LTBP1: variants seen among roughly 807,000 people sequenced by gnomAD.
The protein encoded by LTBP1 is latent transforming growth factor beta binding protein 1.
A neutral mutation model predicts 207.6 loss-of-function variants in LTBP1; 129 were observed. That is an observed-to-expected ratio of 0.62 (90% CI 0.54 to 0.72). The LOEUF (loss-of-function observed/expected upper bound fraction) is 0.72, where lower values mean the gene tolerates loss of function less well. Among genes scored for constraint, LTBP1 ranks in the 30% least tolerant of loss-of-function variants. The probability of loss-of-function intolerance (pLI) is 0.00; values close to 1 mark genes in which losing one functional copy is unlikely to be tolerated. For synonymous variants in LTBP1, 963 were observed against 833.7 expected (o/e 1.16, Z -2.67); for missense variants, 2,281 against 2,217.2 (o/e 1.03, Z -0.58).
At chr2:33,249,333 A>G (rs1401626356) in intron 10 of LTBP1, among the ~76,000 whole-genome samples, 1 of 128,674 alleles carries the variant, frequency 7.8e-6, no homozygotes, top group Non-Finnish European at 1.7e-5. Context: ...TCACACACAC[A>G]CACACACACA....
intron 24 of LTBP1, among the ~76,000 whole-genome samples, chr2:33,338,155 A>T (rs2094574360): frequency 6.6e-6 from 1 of 152,210 alleles, no homozygotes; most frequent in Non-Finnish European, 1.5e-5. Context: ...TAGTTGCTGA[A>T]GAGCTAGTTT....
At chr2:33,291,946 C>G (rs932363166) in intron 19 of LTBP1, among the ~76,000 whole-genome samples, 2 of 152,172 alleles carry the variant, frequency 1.3e-5, no homozygotes, top group African/African-American at 4.8e-5. Context: ...TGTCACGTGT[C>G]TTTTCCTCCT....
At chr2:32,955,704 C>G (rs933113456) in intron 2 of LTBP1, among the ~76,000 whole-genome samples, 8 of 152,082 alleles carry the variant, frequency 5.3e-5, no homozygotes, top group African/African-American at 1.7e-4. Flanking sequence ...TTTTTAAAAG[C>G]TCCCTGATGT....
At chr2:33,388,933 C>T (rs2095291140) in intron 31 of LTBP1, among the ~76,000 whole-genome samples, 1 of 152,176 alleles carries the variant, frequency 6.6e-6, no homozygotes, top group Non-Finnish European at 1.5e-5. Context: ...ATGTGGTCTA[C>T]CCACTGTTAA....
intron 19 of LTBP1, among the ~76,000 whole-genome samples, chr2:33,284,084 C>T (rs1180630422): frequency 6.6e-6 from 1 of 152,200 alleles, no homozygotes; most frequent in African/African-American, 2.4e-5. Context: ...ACCAGTTACA[C>T]TTTCTGCTTC....
intron 5 of LTBP1, among the ~76,000 whole-genome samples, chr2:33,177,787 T>C (rs1234010901): frequency 6.6e-6 from 1 of 152,210 alleles, no homozygotes; most frequent in Admixed American, 6.5e-5. Flanking sequence ...TAAGGCTCTG[T>C]AGCAATACAT....
chr2:33,369,763 G>A (rs1316523924), intron 31 of LTBP1, among the ~76,000 whole-genome samples: 7 of 152,106 alleles, frequency 4.6e-5, no homozygotes, highest in African/African-American at 9.7e-5. Flanking sequence ...CCAAAATTAC[G>A]GACCTAGAAC....
At chr2:33,123,745 C>CCCT (rs1437037315) in intron 4 of LTBP1, among the ~76,000 whole-genome samples, 1 of 152,240 alleles carries the variant, frequency 6.6e-6, no homozygotes, top group South Asian at 2.1e-4. Flanking sequence ...GTAAGTTCCA[C>CCCT]CCTCCTCCTC....
At chr2:33,007,769 A>G (rs181670126) in intron 2 of LTBP1, among the ~76,000 whole-genome samples, 21 of 152,346 alleles carry the variant, frequency 1.4e-4, no homozygotes, top group African/African-American at 5.0e-4. Flanking sequence ...TAGGATAATA[A>G]TAATTGACAT....
At chr2:33,362,618 A>T (rs1410968666) in intron 28 of LTBP1, among the ~76,000 whole-genome samples, 1 of 152,158 alleles carries the variant, frequency 6.6e-6, no homozygotes, top group Non-Finnish European at 1.5e-5. Flanking sequence ...TCTAGGCTTG[A>T]CTTTGCCATT....
At chr2:33,350,219 A>G (rs1472962252) in intron 26 of LTBP1, among the ~76,000 whole-genome samples, 1 of 152,236 alleles carries the variant, frequency 6.6e-6, no homozygotes, top group Non-Finnish European at 1.5e-5. Flanking sequence ...AATTTCCAGT[A>G]TAGGCTATCA....
intron 10 of LTBP1, among the ~76,000 whole-genome samples, chr2:33,248,913 C>T (rs1162492830): frequency 6.6e-6 from 1 of 152,070 alleles, no homozygotes; most frequent in African/African-American, 2.4e-5. Flanking sequence ...TGACACATTT[C>T]CCAGAGTGCC....
intron 26 of LTBP1, among the ~76,000 whole-genome samples, chr2:33,352,970 CTTTTTTTTT>C (rs61357622): frequency 6.4e-5 from 6 of 93,214 alleles, no homozygotes; most frequent in East Asian, 3.2e-4. Context: ...GTAAGCCTTT[CTTTTTTTTT>C]TTTTTTTTTT....
chr2:33,370,872 A>C (rs1369976472), intron 31 of LTBP1, among the ~76,000 whole-genome samples: 1 of 152,186 alleles, frequency 6.6e-6, no homozygotes, highest in Non-Finnish European at 1.5e-5. Flanking sequence ...CATCAGCTTT[A>C]AGCATTAAAG....
chr2:33,128,633 A>G (rs1056066111), intron 4 of LTBP1, among the ~76,000 whole-genome samples: 2 of 152,204 alleles, frequency 1.3e-5, no homozygotes, highest in Non-Finnish European at 2.9e-5. Flanking sequence ...TTAGAGTAAC[A>G]TCTTGAACTG....
chr2:33,067,670 A>C (rs938869714), intron 3 of LTBP1, among the ~76,000 whole-genome samples: 3 of 152,212 alleles, frequency 2.0e-5, no homozygotes, highest in African/African-American at 7.2e-5. Flanking sequence ...TATTATGAGT[A>C]ATCTAGAGAT....
intron 25 of LTBP1, 76 bp from the exon 26 acceptor site, chr2:33,347,291 C>A: frequency 6.4e-7 from 1 of 1,560,876 alleles, no homozygotes; most frequent in Non-Finnish European, 8.8e-7. Flanking sequence ...CACTATTAGC[C>A]CTGGCACAGC....
At chr2:32,961,672 G>A (rs538735069) in intron 2 of LTBP1, among the ~76,000 whole-genome samples, 9 of 152,300 alleles carry the variant, frequency 5.9e-5, no homozygotes, top group African/African-American at 2.2e-4. Context: ...GGGGCCGGGT[G>A]TGGTGGCTCA....
chr2:33,259,708 T>C (rs1237078448), intron 13 of LTBP1, 98 bp downstream of exon 13: 4 of 1,111,332 alleles, frequency 3.6e-6, no homozygotes. Context: ...TATAGTAACA[T>C]CTCTATTATG....
Sources: allele counts gnomAD v4.1 joint callset (sites outside exome capture counted in the v4.1 genomes callset), GRCh38; gene constraint gnomAD v4.1.1; transcripts MANE v1.5; gene names NCBI Gene and HGNC (gene_info 2026-07-23, HGNC 2026-07-21).